The following SERGEF variants were observed in gnomAD, a reference collection of about 807,000 sequenced individuals.
SERGEF encodes the protein secretion regulating guanine nucleotide exchange factor.
Under a neutral mutation model 50.0 loss-of-function variants are expected in SERGEF, and 51 were observed. That is an observed-to-expected ratio of 1.02 (90% confidence interval 0.81 to 1.29). The LOEUF (loss-of-function observed/expected upper bound fraction) is 1.29, where lower values mean the gene tolerates loss of function less well. Among genes scored for constraint, SERGEF ranks in the 50% most tolerant of loss-of-function variants. SERGEF has a pLI of 0.00. For synonymous variants in SERGEF, 205 were observed against 212.4 expected, an observed-to-expected ratio of 0.97 and a Z score of 0.30; for missense variants, 521 against 557.0, an observed-to-expected ratio of 0.94 and a Z score of 0.65.
intron 9 of SERGEF, among the ~76,000 whole-genome samples, chr11:17,953,945 C>T (rs1307264044): frequency 6.6e-6 from 1 of 152,232 alleles, no homozygotes; most frequent in East Asian, 1.9e-4. Flanking sequence ...ATGTCAGCAG[C>T]TACAGCACAG....
At chr11:17,820,589 C>T (rs918376620) in intron 10 of SERGEF, among the ~76,000 whole-genome samples, 1 of 152,100 alleles carries the variant, frequency 6.6e-6, no homozygotes, top group African/African-American at 2.4e-5. Context: ...TAAAACCTAC[C>T]TCATAAGGTG....
intron 10 of SERGEF, among the ~76,000 whole-genome samples, chr11:17,838,875 T>C (rs967339877): frequency 6.6e-6 from 1 of 152,228 alleles, no homozygotes; most frequent in South Asian, 2.1e-4. Flanking sequence ...GGATGGTGTT[T>C]ACATTATGTC....
chr11:17,980,234 C>G (rs1166030290), intron 8 of SERGEF, among the ~76,000 whole-genome samples: 2 of 152,184 alleles, frequency 1.3e-5, no homozygotes, highest in African/African-American at 4.8e-5. Flanking sequence ...GATGAAGAAA[C>G]TGAGGCTCAG....
At chr11:17,818,615 G>A (rs1466209887) in intron 10 of SERGEF, among the ~76,000 whole-genome samples, 2 of 152,278 alleles carry the variant, frequency 1.3e-5, no homozygotes, top group Non-Finnish European at 2.9e-5. Flanking sequence ...GTGCTCTGCT[G>A]TGAGTCCCAC....
At chr11:18,012,910 C>A in intron 1 of SERGEF, 41 bp downstream of exon 1, 1 of 1,535,490 alleles carries the variant, frequency 6.5e-7, no homozygotes, top group East Asian at 2.4e-5. Context: ...CATCTCGGCG[C>A]CCCTCAGGGC....
chr11:17,977,909 T>C (rs1402179550), intron 8 of SERGEF, among the ~76,000 whole-genome samples: 1 of 152,196 alleles, frequency 6.6e-6, no homozygotes, highest in African/African-American at 2.4e-5. Context: ...AGGTTTCTAT[T>C]GTTTATAAGC....
intron 10 of SERGEF, among the ~76,000 whole-genome samples, chr11:17,797,408 T>C (rs1849589322): frequency 6.6e-6 from 1 of 152,206 alleles, no homozygotes; most frequent in Admixed American, 6.5e-5. Context: ...GTTCCTGCTA[T>C]CTGGAATGCT....
chr11:17,998,896 C>T (rs913341818), intron 5 of SERGEF, among the ~76,000 whole-genome samples: 1 of 151,628 alleles, frequency 6.6e-6, no homozygotes, highest in Non-Finnish European at 1.5e-5. Context: ...TTTTAGCCTC[C>T]AGAATGGTGA....
At chr11:18,012,705 C>A in intron 1 of SERGEF, 1 of 1,192,826 alleles carries the variant, frequency 8.4e-7, no homozygotes, top group Non-Finnish European at 1.1e-6. Context: ...CTTCCCGCGG[C>A]GCCACAGCCC....
chr11:17,927,683 C>T (rs1234656816), intron 9 of SERGEF, among the ~76,000 whole-genome samples: 3 of 152,222 alleles, frequency 2.0e-5, no homozygotes, highest in Non-Finnish European at 2.9e-5. Context: ...TTAGCAATTT[C>T]CTTGCTACTC....
intron 9 of SERGEF, among the ~76,000 whole-genome samples, chr11:17,956,506 G>T (rs1443096235): frequency 4.6e-5 from 7 of 152,154 alleles, no homozygotes; most frequent in Admixed American, 3.3e-4. Flanking sequence ...AATAATATCT[G>T]CAAAGCATTT....
At chr11:17,995,092 G>C (rs1209843247) in intron 6 of SERGEF, among the ~76,000 whole-genome samples, 1 of 152,176 alleles carries the variant, frequency 6.6e-6, no homozygotes, top group African/African-American at 2.4e-5. Context: ...GGAGAGCAGA[G>C]AGAGAGAAAG....
chr11:17,948,227 A>G (rs1246870499), intron 9 of SERGEF, among the ~76,000 whole-genome samples: 6 of 152,308 alleles, frequency 3.9e-5, no homozygotes, highest in Admixed American at 3.9e-4. Flanking sequence ...AAATCTATAA[A>G]CAAAACGTAC....
chr11:17,877,514 G>A lies in SERGEF; in HGVS notation c.1048+694C>T, dbSNP rs531964813. On this transcript the variant is annotated intron_variant, in intron 10 of 10. Coordinates refer to ENST00000265965, the MANE Select transcript of SERGEF (RefSeq NM_012139.4). ...CCATTTTAAAGATGAGCATAGAGAAGTCAATACCTTGTCCAAGTTCACATG... is the reference window on the plus strand; with the variant it reads ...CCATTTTAAAGATGAGCATAGAGAAATCAATACCTTGTCCAAGTTCACATG... Among the ~76,000 whole-genome samples, 4 of 152,304 alleles carry A rather than the reference G, an allele frequency of 2.6e-5. No individual in the cohort carries two copies. In the South Asian group the frequency reaches 6.2e-4, roughly 24 times the overall value.
At chr11:17,796,176 A>T (rs2133821580) in intron 10 of SERGEF, among the ~76,000 whole-genome samples, 1 of 152,310 alleles carries the variant, frequency 6.6e-6, no homozygotes, top group African/African-American at 2.4e-5. Flanking sequence ...TTTTAAAAAT[A>T]ATAGTATTTC....
intron 10 of SERGEF, chr11:17,855,377 G>C (rs1417393455): frequency 1.3e-5 from 2 of 152,088 alleles, no homozygotes; most frequent in African/African-American, 4.8e-5. Context: ...CTTCACTAGG[G>C]GACAGTCAGT....
intron 4 of SERGEF, 35 bp downstream of exon 4, chr11:18,004,399 CTTTAACA>C: frequency 6.9e-7 from 1 of 1,449,990 alleles, no homozygotes; most frequent in Non-Finnish European, 9.7e-7. Flanking sequence ...CTTGGAAACA[CTTTAACA>C]GGTCATGGGC....
chr11:17,955,392 T>C (rs1389500346), intron 9 of SERGEF, among the ~76,000 whole-genome samples: 1 of 152,192 alleles, frequency 6.6e-6, no homozygotes, highest in Non-Finnish European at 1.5e-5. Flanking sequence ...TGGCCAACAC[T>C]GGTGCATGAC....
At chr11:17,988,123 C>A (rs148521988) in intron 8 of SERGEF, among the ~76,000 whole-genome samples, 1 of 152,102 alleles carries the variant, frequency 6.6e-6, no homozygotes, top group Non-Finnish European at 1.5e-5. Flanking sequence ...ATGTCTGAAC[C>A]AATACACATA....
Sources: allele counts gnomAD v4.1 joint callset (sites outside exome capture counted in the v4.1 genomes callset), GRCh38; gene constraint gnomAD v4.1.1; transcripts MANE v1.5; gene names NCBI Gene and HGNC (gene_info 2026-07-23, HGNC 2026-07-21).